GYG2: variants seen among roughly 807,000 people sequenced by gnomAD.
The protein encoded by GYG2 is glycogenin-2.
In GYG2, 29 loss-of-function variants were observed where a neutral mutation model predicts 29.4. The observed-to-expected ratio is 0.99, with a 90% CI of 0.74 to 1.35. The LOEUF (loss-of-function observed/expected upper bound fraction) is 1.35. GYG2 is among the 40% of genes most tolerant of loss of function. GYG2 has a pLI of 0.00. For synonymous variants in GYG2, 167 were observed against 172.3 expected (o/e 0.97, Z 0.24); for missense variants, 370 against 385.7 (o/e 0.96, Z 0.34).
At chrX:2,867,708 G>A (rs62582329) in intron 8 of GYG2, among the ~76,000 whole-genome samples, 18,618 of 110,405 alleles carry the variant, frequency 0.17, 1,247 homozygotes, top group South Asian at 0.32. Context: ...AGGGATGGAG[G>A]TGAAATCAAA....
chrX:2,855,221 C>A, intron 5 of GYG2, 66 bp downstream of exon 5: 1 of 969,432 alleles, frequency 1.0e-6, no homozygotes, highest in Non-Finnish European at 1.4e-6. Context: ...AGATGTAACA[C>A]GAAGTCAGCC....
chrX:2,854,232 T>TTG (rs1035830558), intron 4 of GYG2, 78 bp downstream of exon 4: 4 of 730,379 alleles, frequency 5.5e-6, no homozygotes, highest in South Asian at 5.3e-5. Flanking sequence ...CAACTTTTTT[T>TTG]TGTGTGTGTG....
chrX:2,856,737 CATCTATCTATCTATGT>C lies in GYG2; in HGVS notation c.614+128_614+143del, dbSNP rs2087999425. On this transcript the variant is annotated intron_variant, in intron 6 of 10. Coordinates refer to ENST00000398806, the MANE Select transcript of GYG2 (RefSeq NM_001079855.2). ...TTAAAAACTCTATCTATCTATCTAT[CATCTATCTATCTATGT>C]ATCTATCTATCTATCTATCTATCTA... 57 of 421,996 alleles carry C rather than the reference CATCTATCTATCTATGT, an allele frequency of 1.4e-4. 2 individuals are homozygous for C. Among genetic ancestry groups the C allele is most frequent in the Admixed American group, 7.7e-4 (19 of 24,659 alleles). The allele number at this position is 421,996 out of a possible 1,213,427, so 34.8% of individuals were successfully genotyped here. A position where few individuals can be genotyped will look rare whatever the true frequency, so the allele number is the denominator to read the frequency against.
In GYG2 at chrX:2,881,835, T is replaced by C. The variant is rs774152959; in HGVS notation, c.*622T>C. ...TGACAGAAATTCTACTCGTGGACGT[T>C]GGGAAGAAAGATTGTAGGTGGCTTG... On this transcript the variant is annotated 3_prime_UTR_variant, in exon 11 of 11. Coordinates refer to ENST00000398806, the MANE Select transcript of GYG2 (RefSeq NM_001079855.2). 9.0e-6 allele frequency: 1 copy of C among 111,381 alleles called. No individual in the cohort carries two copies. The highest frequency in any genetic ancestry group is 9.6e-5 in the Admixed American group (1 of 10,418). 9.2% of individuals were successfully genotyped at this position (111,381 alleles called of 1,213,427 possible). A position where few individuals can be genotyped will look rare whatever the true frequency, so the allele number is the denominator to read the frequency against.
chrX:2,844,677 C>T (rs2087604928), intron 3 of GYG2, among the ~76,000 whole-genome samples: 1 of 48,548 alleles, frequency 2.1e-5, no homozygotes, highest in African/African-American at 1.0e-4. Context: ...TGTGTATACG[C>T]ACACGCATGC....
At position 2,861,675 on chromosome X, in the gene GYG2, A is replaced by G; in HGVS notation, c.991A>G (p.Ile331Val). The change falls in exon 8 of 11, where the codon ATA (isoleucine) becomes GTA (valine). Residue 331 changes from isoleucine (I) to valine (V), a missense_variant. Transcript: ENST00000398806. Reference sequence around the variant, plus strand: ...TCAGGGCCTTCCGGAGCCGACCCAGATAGTGGATGAGACCCTGTCCCTACC... The same window carrying G: ...TCAGGGCCTTCCGGAGCCGACCCAGGTAGTGGATGAGACCCTGTCCCTACC... Reference protein sequence around the residue: ...PAQGLPEPTQIVDETLSLPEG... With the variant: ...PAQGLPEPTQVVDETLSLPEG... 8.3e-7 allele frequency: 1 copy of G among 1,203,249 alleles called. No homozygotes were observed.
At chrX:2,847,597 G>A (rs1304875495) in intron 3 of GYG2, among the ~76,000 whole-genome samples, 1 of 106,477 alleles carries the variant, frequency 9.4e-6, no homozygotes, top group South Asian at 4.2e-4. Context: ...CCAGCTACTC[G>A]GTGAGGCTGA....
intron 8 of GYG2, among the ~76,000 whole-genome samples, chrX:2,872,358 G>A (rs936309740): frequency 9.1e-6 from 1 of 110,448 alleles, no homozygotes; most frequent in African/African-American, 3.3e-5. Flanking sequence ...TGCATGATAT[G>A]CAAGGGGGAA....
intron 8 of GYG2, among the ~76,000 whole-genome samples, chrX:2,873,765 G>C (rs146602908): frequency 2.3e-4 from 26 of 111,213 alleles, no homozygotes; most frequent in African/African-American, 8.2e-4. Flanking sequence ...GGCAACTACT[G>C]TTCCACTCTA....
chrX:2,880,929 C>A, intron 10 of GYG2, 123 bp from the exon 11 acceptor site: 1 of 584,462 alleles, frequency 1.7e-6, no homozygotes, highest in Non-Finnish European at 2.7e-6. Flanking sequence ...TAGTGATTCG[C>A]AATCTCTTTT....
intron 8 of GYG2, among the ~76,000 whole-genome samples, chrX:2,874,631 A>G (rs1044941267): frequency 1.1e-4 from 12 of 112,080 alleles, no homozygotes; most frequent in African/African-American, 3.6e-4. Context: ...ATATCTGTGT[A>G]GGCCACTGTT....
chrX:2,868,573 C>T (rs750410033), intron 8 of GYG2, among the ~76,000 whole-genome samples: 3 of 109,971 alleles, frequency 2.7e-5, no homozygotes, highest in Non-Finnish European at 3.8e-5. Flanking sequence ...AATACTGCGT[C>T]GGGGAAATTG....
chrX:2,877,474 T>C, intron 10 of GYG2, 167 bp downstream of exon 10: 1 of 1,081,599 alleles, frequency 9.2e-7, no homozygotes, highest in South Asian at 2.5e-5. Flanking sequence ...GTCTTCTCTC[T>C]GGCATTTGCC....
intron 8 of GYG2, among the ~76,000 whole-genome samples, chrX:2,867,377 G>A (rs752209070): frequency 1.3e-4 from 14 of 111,270 alleles, no homozygotes; most frequent in African/African-American, 4.2e-4. Flanking sequence ...AGAGGGGGCG[G>A]CAAGGGAGGG....
chrX:2,848,942 G>A (rs1288739990), intron 3 of GYG2, among the ~76,000 whole-genome samples: 3 of 110,880 alleles, frequency 2.7e-5, no homozygotes, highest in Non-Finnish European at 5.7e-5. Context: ...GGCGCTCTGC[G>A]GTGGTCAGGG....
chrX:2,838,859 TC>T (rs1485710974), intron 2 of GYG2, among the ~76,000 whole-genome samples: 10 of 112,022 alleles, frequency 8.9e-5, no homozygotes, highest in Non-Finnish European at 1.9e-4. Context: ...TGTATCCCTC[TC>T]CCCCTGATCT....
At chrX:2,856,067 C>T (rs994518677) in intron 5 of GYG2, among the ~76,000 whole-genome samples, 2 of 111,610 alleles carry the variant, frequency 1.8e-5, no homozygotes, top group South Asian at 7.5e-4. Flanking sequence ...TTGAAATGGG[C>T]GTCAGTAGAG....
At position 2,860,627 on chromosome X, in the gene GYG2, T is replaced by TA. The variant is rs1485564014; in HGVS notation, c.837+571dup. Among the ~76,000 whole-genome samples the TA allele has an allele frequency of 6.0e-4, 55 of 91,006 alleles. 1 individual carries two copies. In the East Asian group the frequency reaches 0.012, roughly 20 times the overall value. 79.0% of individuals were successfully genotyped at this position (91,006 alleles called of 115,157 possible). On this transcript the variant is annotated intron_variant, in intron 7 of 10. Transcript: ENST00000398806. Reference sequence around the variant, plus strand: ...TTCCTAATGGCTTTTTTCACTAAAGTAAAAAAAAACTTGAGCTTTTTTTTT... The same window carrying TA: ...TTCCTAATGGCTTTTTTCACTAAAGTAAAAAAAAAACTTGAGCTTTTTTTTT...
intron 8 of GYG2, among the ~76,000 whole-genome samples, chrX:2,864,879 C>T (rs780243150): frequency 5.4e-5 from 6 of 110,378 alleles, no homozygotes; most frequent in African/African-American, 2.0e-4. Flanking sequence ...TCTCCTGCCT[C>T]AGCCTCCTGA....
Sources: allele counts gnomAD v4.1 joint callset (sites outside exome capture counted in the v4.1 genomes callset), GRCh38; gene constraint gnomAD v4.1.1; transcripts MANE v1.5; gene names NCBI Gene and HGNC (gene_info 2026-07-23, HGNC 2026-07-21).